The following SPNS3 variants were observed in gnomAD, a reference collection of about 807,000 sequenced individuals.
The protein encoded by SPNS3 is protein spinster homolog 3.
SPNS3 carries 51 observed loss-of-function variants against 54.4 expected under a neutral mutation model. That is an observed-to-expected ratio of 0.94 (90% CI 0.75 to 1.18). The LOEUF is 1.18. Ranked by LOEUF, SPNS3 falls within the 50% of genes most tolerant of loss-of-function variation. SPNS3 has a pLI of 0.00. For synonymous variants in SPNS3, 309 were observed against 294.7 expected (o/e 1.05, Z -0.50); for missense variants, 669 against 677.4 (o/e 0.99, Z 0.14).
intron 4 of SPNS3, 32 bp downstream of exon 4, chr17:4,446,231 G>C (rs773544018): frequency 6.3e-7 from 1 of 1,583,538 alleles, no homozygotes; most frequent in East Asian, 2.3e-5. Flanking sequence ...ACTTCCCCAG[G>C]TGGTAAACTG....
At chr17:4,440,638 T>C (rs1970825473) in intron 2 of SPNS3, among the ~76,000 whole-genome samples, 1 of 152,180 alleles carries the variant, frequency 6.6e-6, no homozygotes. Context: ...CAATTCCCTG[T>C]CTACCATGGT....
chr17:4,455,937 C>A (rs1269439024), intron 8 of SPNS3, among the ~76,000 whole-genome samples: 2 of 151,600 alleles, frequency 1.3e-5, no homozygotes, highest in Non-Finnish European at 2.9e-5. Flanking sequence ...GTGAGTGTCA[C>A]CTGAAGCCCC....
At chr17:4,459,345 CTGTT>C (rs1209557368) in intron 8 of SPNS3, among the ~76,000 whole-genome samples, 5 of 152,112 alleles carry the variant, frequency 3.3e-5, no homozygotes, top group African/African-American at 1.2e-4. Flanking sequence ...GAGTGACAAA[CTGTT>C]TGTATTCATT....
intron 9 of SPNS3, among the ~76,000 whole-genome samples, chr17:4,479,639 T>G (rs1383636751): frequency 6.6e-6 from 1 of 152,134 alleles, no homozygotes; most frequent in Non-Finnish European, 1.5e-5. Context: ...CCTGGCACAG[T>G]CTGGTGCTGG....
At chr17:4,444,440 C>G (rs1440906433) in intron 2 of SPNS3, among the ~76,000 whole-genome samples, 1 of 151,636 alleles carries the variant, frequency 6.6e-6, no homozygotes, top group Non-Finnish European at 1.5e-5. Context: ...CCAGGCTGGT[C>G]TTAAACTCCT....
At chr17:4,440,125 A>G (rs1180397582) in intron 2 of SPNS3, among the ~76,000 whole-genome samples, 1 of 152,164 alleles carries the variant, frequency 6.6e-6, no homozygotes, top group East Asian at 1.9e-4. Flanking sequence ...CACAAAGTCA[A>G]ACAGACAGAC....
intron 8 of SPNS3, among the ~76,000 whole-genome samples, chr17:4,475,873 C>T (rs960651665): frequency 3.9e-5 from 6 of 152,174 alleles, no homozygotes; most frequent in African/African-American, 9.7e-5. Context: ...AGCCACTGAA[C>T]GCTAGGACCC....
chr17:4,445,181 GC>G lies in SPNS3; in HGVS notation c.402+17del. The G allele has an allele frequency of 6.2e-7, 1 of 1,606,816 alleles. No homozygotes were observed. The highest frequency in any genetic ancestry group is 8.5e-7 in the Non-Finnish European group (1 of 1,175,584). Reference sequence around the variant, plus strand: ...CATCTCCCCCCGGGTACGTGTCCATGCCCCTGTCCAGGCCCCTGAGGCCCCT... The same window carrying G: ...CATCTCCCCCCGGGTACGTGTCCATGCCCTGTCCAGGCCCCTGAGGCCCCT... On this transcript the variant is annotated intron_variant, in intron 3 of 11. Transcript: ENST00000355530.
chr17:4,482,793 C>A (rs1012925928), intron 9 of SPNS3, among the ~76,000 whole-genome samples: 2 of 152,190 alleles, frequency 1.3e-5, no homozygotes, highest in Non-Finnish European at 2.9e-5. Flanking sequence ...GCTGTCTGTC[C>A]CCGCCCCACT....
chr17:4,436,189 GGCTGGGA>G (rs1276074772), intron 1 of SPNS3, among the ~76,000 whole-genome samples: 1 of 152,190 alleles, frequency 6.6e-6, no homozygotes, highest in African/African-American at 2.4e-5. Flanking sequence ...GCACAGGCCG[GGCTGGGA>G]GCTCAGGAGG....
chr17:4,468,733 C>CTTTCTTTCTTTA (rs1376353187), intron 8 of SPNS3, among the ~76,000 whole-genome samples: 1 of 139,558 alleles, frequency 7.2e-6, no homozygotes, highest in Non-Finnish European at 1.5e-5. Flanking sequence ...TTCTTTCTTT[C>CTTTCTTTCTTTA]TTTCTTTCTT....
At chr17:4,479,187 C>A (rs184309608) in intron 9 of SPNS3, among the ~76,000 whole-genome samples, 2 of 152,190 alleles carry the variant, frequency 1.3e-5, no homozygotes, top group Non-Finnish European at 2.9e-5. Context: ...GTGATCTGCC[C>A]GCTTCGGCCT....
chr17:4,469,908 A>G (rs1267374517), intron 8 of SPNS3, among the ~76,000 whole-genome samples: 1 of 152,180 alleles, frequency 6.6e-6, no homozygotes, highest in East Asian at 1.9e-4. Context: ...CAAAAGCATA[A>G]AAGTACAGAG....
intron 8 of SPNS3, among the ~76,000 whole-genome samples, chr17:4,453,668 G>A (rs1015473759): frequency 6.6e-6 from 1 of 152,134 alleles, no homozygotes; most frequent in African/African-American, 2.4e-5. Flanking sequence ...CAGTGAAGAA[G>A]GGGCAGAACT....
At chr17:4,444,796 C>T (rs145397175) in intron 2 of SPNS3, among the ~76,000 whole-genome samples, 18 of 152,300 alleles carry the variant, frequency 1.2e-4, no homozygotes, top group South Asian at 4.1e-4. Flanking sequence ...TCAGAGCAAG[C>T]GGCAGAGCTG....
At chr17:4,443,985 C>T (rs1002168286) in intron 2 of SPNS3, among the ~76,000 whole-genome samples, 1 of 152,172 alleles carries the variant, frequency 6.6e-6, no homozygotes, top group South Asian at 2.1e-4. Flanking sequence ...CCTGTAGTCT[C>T]AACTACTCTG....
intron 7 of SPNS3, among the ~76,000 whole-genome samples, chr17:4,450,867 C>T (rs34116429): frequency 0.017 from 2,571 of 151,826 alleles, 41 homozygotes; most frequent in Non-Finnish European, 0.022. Context: ...CTCAGCCTCC[C>T]GAAGTGCTGG....
At chr17:4,449,615 T>C (rs1971105791) in intron 7 of SPNS3, among the ~76,000 whole-genome samples, 1 of 149,100 alleles carries the variant, frequency 6.7e-6, no homozygotes, top group African/African-American at 2.4e-5. Context: ...CTCTCTGGGC[T>C]GAATTCCCCA....
chr17:4,445,885 C>G (rs1205550320), intron 3 of SPNS3, among the ~76,000 whole-genome samples, 163 bp from the exon 4 acceptor site: 1 of 152,078 alleles, frequency 6.6e-6, no homozygotes, highest in Non-Finnish European at 1.5e-5. Flanking sequence ...ACACGTTTGA[C>G]TTTGGGAACC....
Sources: allele counts gnomAD v4.1 joint callset (sites outside exome capture counted in the v4.1 genomes callset), GRCh38; gene constraint gnomAD v4.1.1; transcripts MANE v1.5; gene names NCBI Gene and HGNC (gene_info 2026-07-23, HGNC 2026-07-21).